The following SGCZ variants were observed in gnomAD, a reference collection of about 807,000 sequenced individuals.
The protein encoded by SGCZ is sarcoglycan zeta, also known as zeta-sarcoglycan.
In SGCZ, 40 loss-of-function variants were observed where a neutral mutation model predicts 41.3. The ratio of observed to expected loss-of-function variants is 0.97; its 90% confidence interval spans 0.75 to 1.26. SGCZ has a LOEUF of 1.26. SGCZ is among the 50% of genes most tolerant of loss of function. The probability of loss-of-function intolerance (pLI) is 0.00; values close to 1 mark genes in which losing one functional copy is unlikely to be tolerated. For missense variants in SGCZ, 552 were observed against 369.8 expected (o/e 1.49, Z -4.04); for synonymous variants, 206 against 137.5 (o/e 1.50, Z -3.49).
intron 1 of SGCZ, among the ~76,000 whole-genome samples, chr8:14,605,711 A>G (rs1488798076): frequency 6.6e-6 from 1 of 152,134 alleles, no homozygotes; most frequent in African/African-American, 2.4e-5. Flanking sequence ...TGTTGACTTC[A>G]CTTCTTATTT....
intron 1 of SGCZ, among the ~76,000 whole-genome samples, chr8:14,981,358 C>T (rs762822047): frequency 5.3e-5 from 8 of 152,154 alleles, no homozygotes; most frequent in Middle Eastern, 3.2e-3. Context: ...TACCTAAACA[C>T]AGTAGAATTT....
intron 1 of SGCZ, among the ~76,000 whole-genome samples, chr8:14,658,404 G>C (rs1359563588): frequency 6.6e-6 from 1 of 152,088 alleles, no homozygotes; most frequent in Non-Finnish European, 1.5e-5. Context: ...TGTAAATTCA[G>C]ATCTGATCAC....
intron 1 of SGCZ, among the ~76,000 whole-genome samples, chr8:15,005,939 C>G (rs896214329): frequency 4.6e-5 from 7 of 152,038 alleles, no homozygotes; most frequent in Non-Finnish European, 1.0e-4. Context: ...ATGAGAAATT[C>G]TTCTCCCACC....
Position 15,168,299 on chromosome 8 carries a change from C to T in SGCZ, c.39+69286G>A, listed in dbSNP as rs115801271. On this transcript the variant is annotated intron_variant, in intron 1 of 7. Coordinates refer to ENST00000382080, the MANE Select transcript of SGCZ (RefSeq NM_139167.4). ...GCAGGTGAGCGTGGCTGATTCCTGA[C>T]GATTAAGCCAACCCCAGGCTTCCTG... Among the ~76,000 whole-genome samples, 471 of 152,238 alleles carry T rather than the reference C, an allele frequency of 3.1e-3. 2 individuals are homozygous for T. Among genetic ancestry groups the T allele is most frequent in the African/African-American group, 0.011 (456 of 41,552 alleles).
chr8:15,112,093 GT>G (rs1403709428), intron 1 of SGCZ, among the ~76,000 whole-genome samples: 1 of 152,074 alleles, frequency 6.6e-6, no homozygotes, highest in East Asian at 1.9e-4. Context: ...GTGAGATTAG[GT>G]TTGAGCATTT....
chr8:14,910,681 T>C (rs1318616678), intron 1 of SGCZ, among the ~76,000 whole-genome samples: 2 of 151,942 alleles, frequency 1.3e-5, no homozygotes, highest in Non-Finnish European at 2.9e-5. Context: ...AAATGAGCTA[T>C]TGATTCTTTT....
chr8:14,208,854 A>G (rs1278543081), intron 4 of SGCZ, among the ~76,000 whole-genome samples: 1 of 152,224 alleles, frequency 6.6e-6, no homozygotes, highest in Non-Finnish European at 1.5e-5. Context: ...AGAAGAAATT[A>G]GGCAGATAGC....
chr8:15,058,529 C>G (rs1041539394), intron 1 of SGCZ, among the ~76,000 whole-genome samples: 3 of 152,126 alleles, frequency 2.0e-5, no homozygotes, highest in Admixed American at 1.3e-4. Context: ...TTTCCATGCA[C>G]CTTAAGCTGA....
intron 3 of SGCZ, among the ~76,000 whole-genome samples, chr8:14,308,265 C>T (rs935955289): frequency 3.3e-5 from 5 of 151,998 alleles, no homozygotes; most frequent in East Asian, 1.9e-4. Flanking sequence ...ATAATGAAAG[C>T]GCACGGAAAG....
At chr8:14,873,715 C>G (rs1196159367) in intron 1 of SGCZ, among the ~76,000 whole-genome samples, 1 of 152,028 alleles carries the variant, frequency 6.6e-6, no homozygotes, top group Non-Finnish European at 1.5e-5. Context: ...ATGAGTAACC[C>G]CAGCTCCTTC....
intron 1 of SGCZ, among the ~76,000 whole-genome samples, chr8:14,860,027 G>C (rs187629302): frequency 2.0e-5 from 3 of 152,062 alleles, no homozygotes; most frequent in African/African-American, 7.2e-5. Flanking sequence ...GAATTGATAA[G>C]AATCAAGGAA....
chr8:14,378,602 A>C (rs1804231721), intron 2 of SGCZ, among the ~76,000 whole-genome samples: 1 of 152,302 alleles, frequency 6.6e-6, no homozygotes, highest in South Asian at 2.1e-4. Context: ...AAACAACCCC[A>C]TCAAAAAGTG....
intron 1 of SGCZ, among the ~76,000 whole-genome samples, chr8:14,860,954 T>C (rs547233246): frequency 1.3e-5 from 2 of 152,318 alleles, no homozygotes; most frequent in East Asian, 3.9e-4. Context: ...GACATTTACA[T>C]GAGCAGATGA....
intron 1 of SGCZ, among the ~76,000 whole-genome samples, chr8:15,139,952 A>G (rs1315137937): frequency 3.3e-5 from 5 of 152,156 alleles, no homozygotes; most frequent in South Asian, 2.1e-4. Flanking sequence ...CTTATATTAC[A>G]AAGAAACTGT....
At chr8:14,401,481 C>T (rs574098533) in intron 2 of SGCZ, among the ~76,000 whole-genome samples, 107 of 134,404 alleles carry the variant, frequency 8.0e-4, no homozygotes, top group South Asian at 2.0e-3. Context: ...TGTTCCCCTT[C>T]CTGTGTCCAC....
intron 1 of SGCZ, among the ~76,000 whole-genome samples, chr8:14,857,118 G>A (rs542855738): frequency 3.9e-5 from 6 of 152,176 alleles, no homozygotes; most frequent in South Asian, 2.1e-4. Flanking sequence ...TTAAAAGTGC[G>A]TAGCGCCTCC....
chr8:14,827,605 G>C (rs1802378582), intron 1 of SGCZ, among the ~76,000 whole-genome samples: 1 of 152,098 alleles, frequency 6.6e-6, no homozygotes, highest in African/African-American at 2.4e-5. Flanking sequence ...AAAAGAAAGA[G>C]TCTGTGATTG....
rs559732238 is a variant in SGCZ, at chr8:14,621,175, A to C, written c.40-66249T>G. Among the ~76,000 whole-genome samples the C allele has an allele frequency of 1.9e-3, 286 of 151,792 alleles. 1 individual carries two copies. Among genetic ancestry groups the C allele is most frequent in the Non-Finnish European group, 2.9e-3 (197 of 67,918 alleles). On this transcript the variant is annotated intron_variant, in intron 1 of 7. Coordinates refer to ENST00000382080, the MANE Select transcript of SGCZ (RefSeq NM_139167.4). ...AAGCTGGAAACCATCATTCTCAGCA[A>C]ACTATCACAAGGACAAAAAACCAAA... is the stretch of plus-strand genomic sequence containing the variant.
intron 5 of SGCZ, among the ~76,000 whole-genome samples, chr8:14,133,055 G>A (rs780991097): frequency 5.9e-5 from 9 of 152,190 alleles, no homozygotes; most frequent in South Asian, 2.1e-4. Context: ...AAAAAACCAC[G>A]TTTCTCAGTT....
Sources: gnomAD v4.1 joint callset for allele counts (sites outside exome capture counted in the v4.1 genomes callset) on GRCh38, gnomAD v4.1.1 for gene constraint, MANE v1.5 for transcripts, NCBI Gene and HGNC (gene_info 2026-07-23, HGNC 2026-07-21) for gene names.